ADGRL2: variants seen among roughly 807,000 people sequenced by gnomAD.
ADGRL2 encodes calcium-independent alpha-latrotoxin receptor 2.
Under a neutral mutation model 157.4 loss-of-function variants are expected in ADGRL2, and 44 were observed. The ratio of observed to expected loss-of-function variants is 0.28; its 90% CI spans 0.22 to 0.36. The LOEUF (loss-of-function observed/expected upper bound fraction) is 0.36. Among genes scored for constraint, ADGRL2 ranks in the 10% least tolerant of loss-of-function variants. The pLI, the probability that ADGRL2 is intolerant of heterozygous loss-of-function variation, is 1.00. For synonymous variants in ADGRL2, 585 were observed against 624.7 expected (o/e 0.94, Z 0.95); for missense variants, 1,510 against 1,768.9 (o/e 0.85, Z 2.63).
intron 2 of ADGRL2, among the ~76,000 whole-genome samples, chr1:81,905,638 C>T (rs1197561591): frequency 6.6e-6 from 1 of 152,300 alleles, no homozygotes; most frequent in Admixed American, 6.5e-5. Flanking sequence ...GTAAGAATTG[C>T]GAGTGTGGCT....
At chr1:81,532,285 G>C (rs1308659133) in intron 2 of ADGRL2, among the ~76,000 whole-genome samples, 1 of 151,960 alleles carries the variant, frequency 6.6e-6, no homozygotes, top group African/African-American at 2.4e-5. Flanking sequence ...TAAACCCTCA[G>C]AGCCCCAATA....
Position 81,950,344 on chromosome 1 carries a change from A to C in ADGRL2, c.1366A>C (p.Thr456Pro). 1 of 1,614,134 alleles carries C rather than the reference A, an allele frequency of 6.2e-7. No individual in the cohort carries two copies. Among genetic ancestry groups the C allele is most frequent in the Non-Finnish European group, 8.5e-7 (1 of 1,179,976 alleles). The change falls in exon 7 of 24, where the codon ACA becomes CCA. Residue 456 changes from threonine (T) to proline (P), a missense_variant. This residue lies in a region of ADGRL2 where 325 missense variants were observed against 333.2 expected (regional missense o/e 0.98). Transcript: ENST00000686636. ...GACAAAACCACCTCCAGCAGTTTCT[A>C]CAACCAAAATTCCACCTATAACAAA... ...KGTKPPPAVS[T>P]TKIPPITNIF...
rs1051802443 is a variant in ADGRL2 at position 81,971,981 on chromosome 1, G to A, written c.3021+63G>A. 38 of 1,032,618 alleles carry A rather than the reference G, an allele frequency of 3.7e-5. No homozygotes were observed. In the Admixed American group the frequency reaches 4.1e-4, roughly 11 times the overall value. The allele number at this position is 1,032,618 out of a possible 1,614,324, so 64.0% of individuals were successfully genotyped here. A position where few individuals can be genotyped will look rare whatever the true frequency, so the allele number is the denominator to read the frequency against. On this transcript the variant is annotated intron_variant, in intron 17 of 23. Transcript: ENST00000686636. ...TGCTTTAGCAGTGCTATTCAAACAA[G>A]GATAATTTGTTTTATTGTTTGTTTA...
intron 1 of ADGRL2, among the ~76,000 whole-genome samples, chr1:81,341,932 CTATT>C (rs1662103730): frequency 6.6e-6 from 1 of 152,196 alleles, no homozygotes; most frequent in Admixed American, 6.5e-5. Flanking sequence ...CCAATGAAAA[CTATT>C]TATTTCCTGA....
At chr1:81,510,509 T>C (rs2079056179) in intron 2 of ADGRL2, among the ~76,000 whole-genome samples, 1 of 152,164 alleles carries the variant, frequency 6.6e-6, no homozygotes. Flanking sequence ...ATGGTACTCA[T>C]TTTCCCTTAA....
At chr1:81,540,801 C>T (rs950819590) in intron 2 of ADGRL2, among the ~76,000 whole-genome samples, 1 of 152,078 alleles carries the variant, frequency 6.6e-6, no homozygotes, top group Non-Finnish European at 1.5e-5. Context: ...TGTGAATTAG[C>T]TCTCAGTCTA....
At chr1:81,987,332 T>C in intron 22 of ADGRL2, 1 of 1,558,964 alleles carries the variant, frequency 6.4e-7, no homozygotes, top group Non-Finnish European at 8.8e-7. Flanking sequence ...AAGATTTATA[T>C]CATTTAGAGG....
intron 1 of ADGRL2, among the ~76,000 whole-genome samples, chr1:81,801,945 G>A (rs1270247384): frequency 1.7e-4 from 26 of 152,032 alleles, no homozygotes; most frequent in Non-Finnish European, 3.4e-4. Context: ...CTCGAAGAGC[G>A]GCGTGTGGGA....
At chr1:81,374,578 G>GAAAAAAAAAAAAAAC (rs71242588) in intron 1 of ADGRL2, among the ~76,000 whole-genome samples, 4 of 130,256 alleles carry the variant, frequency 3.1e-5, no homozygotes, top group African/African-American at 1.2e-4. Flanking sequence ...TCTCAAAAAA[G>GAAAAAAAAAAAAAAC]AAAAAAAAAA....
intron 1 of ADGRL2, among the ~76,000 whole-genome samples, chr1:81,390,591 A>T (rs1231187562): frequency 6.6e-6 from 1 of 152,112 alleles, no homozygotes; most frequent in Non-Finnish European, 1.5e-5. Context: ...CATTTGTTTC[A>T]ATTTATTGCA....
At chr1:81,691,646 G>C (rs1403442151) in intron 3 of ADGRL2, among the ~76,000 whole-genome samples, 1 of 151,702 alleles carries the variant, frequency 6.6e-6, no homozygotes, top group Non-Finnish European at 1.5e-5. Context: ...TTACAGGCGT[G>C]TGCCACTACA....
intron 1 of ADGRL2, among the ~76,000 whole-genome samples, chr1:81,338,647 T>C (rs904577105): frequency 6.6e-6 from 1 of 152,208 alleles, no homozygotes; most frequent in Non-Finnish European, 1.5e-5. Flanking sequence ...ATAACAATTG[T>C]TAATAATTGC....
At chr1:81,935,107 G>A (rs2095290731) in intron 3 of ADGRL2, among the ~76,000 whole-genome samples, 1 of 151,910 alleles carries the variant, frequency 6.6e-6, no homozygotes, top group South Asian at 2.1e-4. Flanking sequence ...TTGAATTTTA[G>A]GATGTGAAAT....
intron 1 of ADGRL2, among the ~76,000 whole-genome samples, chr1:81,395,620 C>T (rs759594008): frequency 6.6e-6 from 1 of 152,100 alleles, no homozygotes; most frequent in Non-Finnish European, 1.5e-5. Context: ...TTTGTCCAGG[C>T]CAATGTCCTG....
intron 2 of ADGRL2, chr1:81,514,789 T>G (rs1282965763): frequency 6.6e-6 from 1 of 152,218 alleles, no homozygotes; most frequent in Non-Finnish European, 1.5e-5. Flanking sequence ...ACAACAAATT[T>G]AAAATTCTGC....
intron 1 of ADGRL2, among the ~76,000 whole-genome samples, chr1:81,811,782 A>T (rs1156379734): frequency 1.3e-5 from 2 of 151,758 alleles, no homozygotes; most frequent in East Asian, 3.9e-4. Flanking sequence ...TTTAAAATTG[A>T]TCTTTTATCT....
intron 2 of ADGRL2, among the ~76,000 whole-genome samples, chr1:81,885,053 A>C (rs1460628942): frequency 2.0e-5 from 3 of 152,196 alleles, no homozygotes; most frequent in Non-Finnish European, 4.4e-5. Context: ...CAGTGTATGG[A>C]GTTAGAGACA....
chr1:81,408,063 T>A (rs1325560531), intron 1 of ADGRL2, among the ~76,000 whole-genome samples: 1 of 152,214 alleles, frequency 6.6e-6, no homozygotes, highest in Non-Finnish European at 1.5e-5. Context: ...AGAGGCCCTG[T>A]CTTTCTTTAA....
At chr1:81,559,179 C>T (rs2080383329) in intron 2 of ADGRL2, among the ~76,000 whole-genome samples, 1 of 152,178 alleles carries the variant, frequency 6.6e-6, no homozygotes, top group Non-Finnish European at 1.5e-5. Flanking sequence ...ATTAGCCTCT[C>T]TGAACTTCCT....
Sources: gnomAD v4.1 joint callset for allele counts (sites outside exome capture counted in the v4.1 genomes callset) on GRCh38, gnomAD v4.1.1 for gene constraint, gnomAD v4.1.1 regional missense constraint, MANE v1.5 for transcripts, NCBI Gene and HGNC (gene_info 2026-07-23, HGNC 2026-07-21) for gene names.